LPP: variants seen among roughly 807,000 people sequenced by gnomAD.
LPP encodes the protein LIM domain containing preferred translocation partner in lipoma, also known as lipoma-preferred partner.
LPP carries 38 observed loss-of-function variants against 60.4 expected under a neutral mutation model. The ratio of observed to expected loss-of-function variants is 0.63; its 90% CI spans 0.49 to 0.83. LPP has a LOEUF of 0.83. LPP is among the 40% of genes least tolerant of loss of function. The pLI is 0.00. For synonymous variants in LPP, 328 were observed against 290.8 expected, an observed-to-expected ratio of 1.13 and a Z score of -1.30; for missense variants, 902 against 783.6, an observed-to-expected ratio of 1.15 and a Z score of -1.80.
Position 188,526,159 on chromosome 3 carries a change from C to A in LPP, c.429+1372C>A, listed in dbSNP as rs149722979. ...AGTGAGAGTGCATAGAGCCTCTGAG[C>A]CTCACTCCAGTTCTTGAGTGGCAGC... On this transcript the variant is annotated intron_variant, in intron 6 of 11. Coordinates refer to ENST00000617246, the MANE Select transcript of LPP (RefSeq NM_001375462.1). Among the ~76,000 whole-genome samples, 377 of 152,322 alleles carry A rather than the reference C, an allele frequency of 2.5e-3. 4 individuals carry two copies. Among genetic ancestry groups the A allele is most frequent in the African/African-American group, 8.7e-3 (362 of 41,562 alleles).
At chr3:188,622,718 G>A (rs1011401513) in intron 7 of LPP, among the ~76,000 whole-genome samples, 2 of 152,044 alleles carry the variant, frequency 1.3e-5, no homozygotes, top group African/African-American at 4.8e-5. Context: ...TCATTATTGT[G>A]AAACATTACT....
At chr3:188,773,024 A>G (rs1486385554) in intron 9 of LPP, among the ~76,000 whole-genome samples, 3 of 152,140 alleles carry the variant, frequency 2.0e-5, no homozygotes, top group Non-Finnish European at 4.4e-5. Flanking sequence ...GAGTGAAGCC[A>G]GCTGTCTAGC....
intron 1 of LPP, among the ~76,000 whole-genome samples, chr3:188,169,215 A>G (rs1171329578): frequency 6.6e-6 from 1 of 152,236 alleles, no homozygotes; most frequent in East Asian, 1.9e-4. Context: ...TCTCTGTGAG[A>G]GGCTTCTTTT....
intron 4 of LPP, among the ~76,000 whole-genome samples, chr3:188,450,535 A>G (rs1041637189): frequency 1.3e-5 from 2 of 152,262 alleles, no homozygotes; most frequent in South Asian, 2.1e-4. Context: ...ATCTGAGGTC[A>G]TGAGTTCGAG....
intron 5 of LPP, among the ~76,000 whole-genome samples, chr3:188,495,082 A>ATATATATATATATATATATATAT (rs1342207321): frequency 4.2e-4 from 41 of 97,192 alleles, no homozygotes; most frequent in African/African-American, 9.6e-4. Context: ...ATATATATAT[A>ATATATATATATATATATATATAT]TTTTATTTAT....
At chr3:188,558,362 C>T (rs1201477791) in intron 6 of LPP, among the ~76,000 whole-genome samples, 2 of 152,056 alleles carry the variant, frequency 1.3e-5, no homozygotes, top group Non-Finnish European at 2.9e-5. Context: ...TTCATCACTT[C>T]CTACCTGCCA....
chr3:188,498,597 TG>T (rs1810933704), intron 5 of LPP, among the ~76,000 whole-genome samples: 2 of 152,230 alleles, frequency 1.3e-5, no homozygotes, highest in Admixed American at 6.5e-5. Context: ...TTACCTACTG[TG>T]GGAATAATGC....
Position 188,884,147 on chromosome 3 carries a change from C to T in LPP, c.*9668C>T, listed in dbSNP as rs1220635460. 8.9e-6 allele frequency: 2 copies of T among 225,208 alleles called. No individual in the cohort carries two copies. Among genetic ancestry groups the T allele is most frequent in the African/African-American group, 2.2e-5 (1 of 44,826 alleles). 14.0% of individuals were successfully genotyped at this position (225,208 alleles called of 1,614,324 possible). Reference sequence around the variant, plus strand: ...CAAACTGCTTCCACACAGAAAATAGCGCAGGGAGGACAGTTATTAGTACCC... The same window carrying T: ...CAAACTGCTTCCACACAGAAAATAGTGCAGGGAGGACAGTTATTAGTACCC... On this transcript the variant is annotated 3_prime_UTR_variant, in exon 12 of 12. Transcript: ENST00000617246.
chr3:188,161,490 A>C (rs1413356364), intron 1 of LPP, among the ~76,000 whole-genome samples: 1 of 152,170 alleles, frequency 6.6e-6, no homozygotes, highest in Non-Finnish European at 1.5e-5. Context: ...GTTTGTAGTC[A>C]ACAGGAGAAG....
chr3:188,600,645 A>G (rs1341390606), intron 6 of LPP, among the ~76,000 whole-genome samples: 1 of 152,134 alleles, frequency 6.6e-6, no homozygotes, highest in African/African-American at 2.4e-5. Flanking sequence ...AACCATCACC[A>G]GCAGAACTGT....
chr3:188,521,972 G>T (rs1413954745), intron 5 of LPP, among the ~76,000 whole-genome samples: 1 of 152,092 alleles, frequency 6.6e-6, no homozygotes, highest in African/African-American at 2.4e-5. Context: ...GTCTTTCCTT[G>T]TACCAGGACC....
intron 4 of LPP, among the ~76,000 whole-genome samples, chr3:188,432,372 G>C (rs771382558): frequency 3.3e-5 from 5 of 152,084 alleles, no homozygotes; most frequent in Non-Finnish European, 5.9e-5. Context: ...AAGGAGAGAC[G>C]TCCTCTAAAT....
intron 3 of LPP, among the ~76,000 whole-genome samples, chr3:188,349,990 T>C (rs1421474440): frequency 1.3e-5 from 2 of 152,196 alleles, no homozygotes; most frequent in Non-Finnish European, 2.9e-5. Flanking sequence ...GCTGGTCTAG[T>C]AAAAAGCTTG....
At chr3:188,512,565 A>AAAT (rs1816067122) in intron 5 of LPP, among the ~76,000 whole-genome samples, 1 of 150,028 alleles carries the variant, frequency 6.7e-6, no homozygotes, top group African/African-American at 2.5e-5. Flanking sequence ...GTCTATAAAT[A>AAAT]AATAAATAAA....
chr3:188,339,583 G>A (rs974202698), intron 2 of LPP, among the ~76,000 whole-genome samples: 11 of 152,174 alleles, frequency 7.2e-5, no homozygotes, highest in African/African-American at 2.7e-4. Flanking sequence ...GCAGGAAAGA[G>A]TGACTGCCAG....
At chr3:188,224,493 T>C (rs1214998285) in intron 1 of LPP, among the ~76,000 whole-genome samples, 2 of 152,160 alleles carry the variant, frequency 1.3e-5, no homozygotes, top group Non-Finnish European at 2.9e-5. Flanking sequence ...AAATAAAACC[T>C]GTAATAAGGG....
intron 6 of LPP, among the ~76,000 whole-genome samples, chr3:188,605,981 G>T (rs1036790135): frequency 2.6e-5 from 4 of 152,070 alleles, no homozygotes; most frequent in Non-Finnish European, 4.4e-5. Context: ...ATCATTTATC[G>T]GGTAGGGAGC....
chr3:188,658,610 T>C (rs1219885794), intron 7 of LPP, among the ~76,000 whole-genome samples: 12 of 152,218 alleles, frequency 7.9e-5, no homozygotes, highest in Admixed American at 7.2e-4. Context: ...TTTCTATCTT[T>C]GGAGGCATAA....
chr3:188,750,661 A>G (rs1223628775), intron 8 of LPP, among the ~76,000 whole-genome samples: 1 of 152,166 alleles, frequency 6.6e-6, no homozygotes, highest in Non-Finnish European at 1.5e-5. Context: ...TTTACTATCC[A>G]GAGAATCTTG....
Sources: allele counts gnomAD v4.1 joint callset (sites outside exome capture counted in the v4.1 genomes callset), GRCh38; gene constraint gnomAD v4.1.1; transcripts MANE v1.5; gene names NCBI Gene and HGNC (gene_info 2026-07-23, HGNC 2026-07-21).